Variants in DNAAF8 observed in about 807,000 individuals in gnomAD.
DNAAF8 encodes the protein dynein axonemal assembly factor 8.
In DNAAF8, 61 loss-of-function variants were observed where a neutral mutation model predicts 54.6. The ratio of observed to expected loss-of-function variants is 1.12; its 90% CI spans 0.91 to 1.38. DNAAF8 has a LOEUF of 1.38. Ranked by LOEUF, DNAAF8 falls within the 40% of genes most tolerant of loss-of-function variation. DNAAF8 has a pLI of 0.00. For missense variants in DNAAF8, 837 were observed against 665.0 expected (o/e 1.26, Z -2.85); for synonymous variants, 320 against 270.1 (o/e 1.18, Z -1.81).
chr16:4,741,102 C>T (rs1488137107), intron 4 of DNAAF8, among the ~76,000 whole-genome samples: 6 of 150,426 alleles, frequency 4.0e-5, no homozygotes, highest in African/African-American at 1.2e-4. Flanking sequence ...GGTGTGGTGG[C>T]GGGCGCCTGT....
intron 7 of DNAAF8, 38 bp downstream of exon 7, chr16:4,746,550 T>C: frequency 6.3e-7 from 1 of 1,592,084 alleles, no homozygotes; most frequent in Non-Finnish European, 8.6e-7. Context: ...CAGCCTCTAC[T>C]TTGCAGAGTT....
chr16:4,741,548 C>A (rs2142206130), intron 4 of DNAAF8, among the ~76,000 whole-genome samples: 1 of 152,216 alleles, frequency 6.6e-6, no homozygotes, highest in South Asian at 2.1e-4. Context: ...GCTTGTAATC[C>A]CAGCACTTTG....
chr16:4,741,332 C>T (rs2081959430), intron 4 of DNAAF8, among the ~76,000 whole-genome samples: 1 of 151,892 alleles, frequency 6.6e-6, no homozygotes, highest in Non-Finnish European at 1.5e-5. Flanking sequence ...CGAGGATGTT[C>T]ATAAATACAT....
At chr16:4,735,689 G>A (rs2081883379) in intron 1 of DNAAF8, among the ~76,000 whole-genome samples, 1 of 152,054 alleles carries the variant, frequency 6.6e-6, no homozygotes, top group Non-Finnish European at 1.5e-5. Flanking sequence ...CAGGCGCGAT[G>A]GCACATGCCT....
At position 4,740,536 on chromosome 16, in the gene DNAAF8, C is replaced by A; in HGVS notation, c.660C>A (p.Cys220Ter). Reference protein sequence around the residue: ...DILQKVTRDACGPTSSDKGGV... With the variant: ...DILQKVTRDA ...TCCAGAAAGTCACCCGGGATGCCTG[C>A]GGCCCGACCAGCAGTGACAAAGGTG... Residue 220 changes from cysteine to a stop codon, truncating the protein, a stop_gained, in exon 4 of 10, where the codon TGC (cysteine) becomes TGA (stop). Coordinates refer to ENST00000299320, the MANE Select transcript of DNAAF8 (RefSeq NM_139170.3). LOFTEE classifies it high-confidence loss of function. 6.2e-7 allele frequency: 1 copy of A among 1,614,072 alleles called. No individual in the cohort carries two copies. Among genetic ancestry groups the A allele is most frequent in the Non-Finnish European group, 8.5e-7 (1 of 1,180,016 alleles).
intron 1 of DNAAF8, chr16:4,735,289 G>C (rs1267199256): frequency 1.3e-5 from 2 of 152,222 alleles, no homozygotes; most frequent in Admixed American, 1.3e-4. Context: ...GCGGAACAGA[G>C]CTCTAGTTAC....
At chr16:4,744,511 C>A (rs1436534726) in intron 5 of DNAAF8, among the ~76,000 whole-genome samples, 1 of 151,974 alleles carries the variant, frequency 6.6e-6, no homozygotes, top group Non-Finnish European at 1.5e-5. Flanking sequence ...TGAAAAAAAA[C>A]CTATAGAGGA....
intron 7 of DNAAF8, 187 bp from the exon 8 acceptor site, chr16:4,746,740 C>A (rs1003974683): frequency 6.1e-5 from 46 of 750,362 alleles, no homozygotes; most frequent in Non-Finnish European, 1.7e-5. Flanking sequence ...TAGAGCCCAA[C>A]ACGTCTAGGC....
At chr16:4,735,193 G>A (rs1357265872) in intron 1 of DNAAF8, 2 of 152,352 alleles carry the variant, frequency 1.3e-5, no homozygotes, top group Middle Eastern at 6.8e-3. Context: ...CTATTGTCTT[G>A]TCCGCCTGAA....
intron 9 of DNAAF8, among the ~76,000 whole-genome samples, chr16:4,747,927 C>T (rs1012397932): frequency 3.9e-5 from 6 of 152,124 alleles, no homozygotes; most frequent in Non-Finnish European, 5.9e-5. Context: ...CTGCTCTCTG[C>T]GGGACTCTGA....
chr16:4,737,703 C>G, intron 2 of DNAAF8, 97 bp from the exon 3 acceptor site: 3 of 1,460,086 alleles, frequency 2.1e-6, no homozygotes, highest in African/African-American at 2.8e-5. Flanking sequence ...GCGGGCTGGG[C>G]TGGAAGTGAG....
chr16:4,747,162 C>A (rs2082028350), intron 8 of DNAAF8, 137 bp downstream of exon 8: 8 of 1,201,950 alleles, frequency 6.7e-6, no homozygotes, highest in Middle Eastern at 2.9e-4. Flanking sequence ...GACGGCACAG[C>A]TTTCATCATC....
In DNAAF8 at chr16:4,736,649, C is replaced by G. The variant is rs755182980; in HGVS notation, c.129+6C>G. The G allele has an allele frequency of 1.3e-6, 2 of 1,552,734 alleles. No individual in the cohort carries two copies. The highest frequency in any genetic ancestry group is 2.4e-5 in the South Asian group (2 of 84,578). ...TGGACTCAGACTCCCCTTTGGTAAG[C>G]AAGAACTCTCTCCCTGGATGCCTTG... On this transcript the variant is annotated splice_donor_region_variant and intron_variant, in intron 2 of 9. Transcript: ENST00000299320.
At position 4,740,525 on chromosome 16, in the gene DNAAF8, C is replaced by A. The variant is rs149026597; in HGVS notation, c.649C>A (p.Arg217=). Residue 217 remains arginine (R), a synonymous_variant, in exon 4 of 10, where the codon CGG becomes AGG. Transcript: ENST00000299320. ...GACGGACATCCTCCAGAAAGTCACC[C>A]GGGATGCCTGCGGCCCGACCAGCAG... ...IETDILQKVT[R]DACGPTSSDK... is the part of the protein sequence containing the mutation. 5.6e-6 allele frequency: 9 copies of A among 1,613,970 alleles called. No homozygotes were observed. The African/African-American group carries it at 6.7e-5, about 12-fold the overall frequency.
chr16:4,736,610 C>G lies in DNAAF8; in HGVS notation c.96C>G (p.Asp32Glu), dbSNP rs760349785. 25 of 1,587,446 alleles carry G rather than the reference C, an allele frequency of 1.6e-5. No individual in the cohort carries two copies. Among genetic ancestry groups the G allele is most frequent in the Middle Eastern group, 1.7e-4 (1 of 6,016 alleles). Residue 32 changes from aspartate to glutamate, a missense_variant, in exon 2 of 10, where the codon GAC (aspartate) becomes GAG (glutamate). Coordinates refer to ENST00000299320, the MANE Select transcript of DNAAF8 (RefSeq NM_139170.3). ...ATGCCATCCTCAAGGCTGTCAAAGA[C>G]CAGCTCCCGTCTCTGGACTCAGACT... is the stretch of plus-strand genomic sequence containing the variant. ...PWDAILKAVKDQLPSLDSDSP... is the reference protein window; with the variant it reads ...PWDAILKAVKEQLPSLDSDSP...
At chr16:4,746,705 C>A (rs2082021734) in intron 7 of DNAAF8, 193 bp downstream of exon 7, 1 of 844,854 alleles carries the variant, frequency 1.2e-6, no homozygotes, top group Non-Finnish European at 1.8e-6. Context: ...ATGAGGCACA[C>A]CTCCTCGGGC....
chr16:4,742,984 G>A lies in DNAAF8; in HGVS notation c.784-59G>A. The stretch of plus-strand genomic sequence containing the variant: ...ATGGGTCACAGCAGCTGTGAAGCAG[G>A]TACTTGTGCCTCTGGGACCCCTCAG... On this transcript the variant is annotated intron_variant, in intron 4 of 9. Transcript: ENST00000299320. 3 of 1,333,600 alleles carry A rather than the reference G, an allele frequency of 2.2e-6. No individual in the cohort carries two copies. In the South Asian group the frequency reaches 3.6e-5, roughly 16 times the overall value. The allele number at this position is 1,333,600 out of a possible 1,614,324, so 82.6% of individuals were successfully genotyped here.
intron 9 of DNAAF8, chr16:4,748,254 C>T (rs554988094): frequency 7.1e-6 from 1 of 140,968 alleles, no homozygotes; most frequent in African/African-American, 2.6e-5. Flanking sequence ...GATGGGGTCT[C>T]ACGGTGTTGC....
chr16:4,747,395 G>A lies in DNAAF8; in HGVS notation c.1333G>A (p.Gly445Arg), dbSNP rs1238378826. The A allele has an allele frequency of 6.2e-7, 1 of 1,610,648 alleles. No individual in the cohort carries two copies. Among genetic ancestry groups the A allele is most frequent in the Non-Finnish European group, 8.5e-7 (1 of 1,178,400 alleles). Residue 445 changes from glycine to arginine, a missense_variant, in exon 9 of 10, where the codon GGG (glycine) becomes AGG (arginine). By Grantham distance (125) the Gly-to-Arg change is moderately radical. Coordinates refer to ENST00000299320, the MANE Select transcript of DNAAF8 (RefSeq NM_139170.3). The part of the protein sequence containing the change: ...LLQQLRAFQK[G>R]TAQPELPASK... ...CCAGCAGCTCAGGGCCTTTCAGAAG[G>A]GGACAGCCCAGCCCGAGCTGCCTGC...
Sources: gnomAD v4.1 joint callset for allele counts (sites outside exome capture counted in the v4.1 genomes callset) on GRCh38, gnomAD v4.1.1 for gene constraint, MANE v1.5 for transcripts, NCBI Gene and HGNC (gene_info 2026-07-23, HGNC 2026-07-21) for gene names.